GALNT13: variants seen among roughly 807,000 people sequenced by gnomAD.
GALNT13 encodes the protein UDP-GalNAc:polypeptide N-acetylgalactosaminyltransferase 13.
A neutral mutation model predicts 64.2 loss-of-function variants in GALNT13; 28 were observed. That is an observed-to-expected ratio of 0.44 (90% CI 0.32 to 0.60). The LOEUF (loss-of-function observed/expected upper bound fraction) is 0.60, where lower values mean the gene tolerates loss of function less well. GALNT13 is among the 20% of genes least tolerant of loss of function. The probability of loss-of-function intolerance (pLI) is 0.05; values close to 1 mark genes in which losing one functional copy is unlikely to be tolerated. For synonymous variants in GALNT13, 214 were observed against 224.6 expected, an observed-to-expected ratio of 0.95 and a Z score of 0.42; for missense variants, 577 against 669.8, an observed-to-expected ratio of 0.86 and a Z score of 1.53.
chr2:153,991,868 G>A (rs1464923584), intron 3 of GALNT13, among the ~76,000 whole-genome samples: 1 of 152,078 alleles, frequency 6.6e-6, no homozygotes, highest in African/African-American at 2.4e-5. Context: ...TTGGATCAGG[G>A]TGTTGAAGGT....
chr2:153,774,612 T>C, the GALNT13 span, among the ~76,000 whole-genome samples: 1 of 152,112 alleles, frequency 6.6e-6, no homozygotes, highest in African/African-American at 2.4e-5. Context: ...AGAACAAAGA[T>C]AGACTGGGCA....
chr2:154,373,629 T>C (rs545886114), intron 9 of GALNT13, among the ~76,000 whole-genome samples: 2 of 152,314 alleles, frequency 1.3e-5, no homozygotes, highest in African/African-American at 2.4e-5. Context: ...GACCTGCTTT[T>C]AAAATAAAAG....
chr2:153,532,559 C>T, the GALNT13 span, among the ~76,000 whole-genome samples: 3 of 152,320 alleles, frequency 2.0e-5, no homozygotes, highest in African/African-American at 7.2e-5. Flanking sequence ...CTGCAGCATA[C>T]TTATATTCCT....
At chr2:153,414,504 A>G in the GALNT13 span, among the ~76,000 whole-genome samples, 1 of 143,334 alleles carries the variant, frequency 7.0e-6, no homozygotes, top group Non-Finnish European at 1.5e-5. Flanking sequence ...TTGGTAATTG[A>G]TCTATACCAC....
chr2:153,554,344 A>C, the GALNT13 span, among the ~76,000 whole-genome samples: 1 of 152,048 alleles, frequency 6.6e-6, no homozygotes, highest in African/African-American at 2.4e-5. Flanking sequence ...AAAAACAAAA[A>C]AAAAAAGTTT....
At chr2:153,255,147 G>A in the GALNT13 span, among the ~76,000 whole-genome samples, 10 of 151,378 alleles carry the variant, frequency 6.6e-5, no homozygotes, top group Admixed American at 3.3e-4. Context: ...ATGAATCTGG[G>A]TGCTCCTGTA....
intron 3 of GALNT13, among the ~76,000 whole-genome samples, chr2:154,098,852 T>C (rs1037932594): frequency 1.3e-5 from 2 of 152,088 alleles, no homozygotes; most frequent in Non-Finnish European, 2.9e-5. Flanking sequence ...ATGACTTTGG[T>C]GTTGTGAGTA....
intron 3 of GALNT13, among the ~76,000 whole-genome samples, chr2:154,036,204 CT>C: frequency 6.6e-6 from 1 of 152,006 alleles, no homozygotes; most frequent in East Asian, 1.9e-4. Context: ...CCCTAGAGGA[CT>C]TCTTAAATCA....
At chr2:153,565,616 C>T in the GALNT13 span, among the ~76,000 whole-genome samples, 34 of 151,898 alleles carry the variant, frequency 2.2e-4, no homozygotes, top group Non-Finnish European at 3.1e-4. Context: ...ATTTTTTTCT[C>T]GTAAGTGTTA....
the GALNT13 span, among the ~76,000 whole-genome samples, chr2:153,591,332 A>T: frequency 6.6e-6 from 1 of 152,032 alleles, no homozygotes; most frequent in African/African-American, 2.4e-5. Context: ...AACATCCCAA[A>T]CTCATGAGTC....
chr2:153,831,468 T>G, the GALNT13 span, among the ~76,000 whole-genome samples: 2 of 152,162 alleles, frequency 1.3e-5, no homozygotes, highest in African/African-American at 2.4e-5. Flanking sequence ...CCTAGAATGC[T>G]TCTTCCCTTT....
the GALNT13 span, among the ~76,000 whole-genome samples, chr2:153,445,197 A>T: frequency 6.6e-6 from 1 of 152,172 alleles, no homozygotes; most frequent in Non-Finnish European, 1.5e-5. Context: ...TCTGTTAAAA[A>T]ATTTGTCCAT....
At chr2:153,926,249 T>C (rs1054022098) in intron 2 of GALNT13, 1 of 152,092 alleles carries the variant, frequency 6.6e-6, no homozygotes, top group African/African-American at 2.4e-5. Flanking sequence ...TTACATGAGA[T>C]GAATATACAA....
chr2:153,405,047 C>T, the GALNT13 span, among the ~76,000 whole-genome samples: 1 of 152,128 alleles, frequency 6.6e-6, no homozygotes, highest in Non-Finnish European at 1.5e-5. Context: ...TTGTGGTGTC[C>T]TTCCTTTTAA....
chr2:153,393,873 T>G, the GALNT13 span, among the ~76,000 whole-genome samples: 1 of 151,816 alleles, frequency 6.6e-6, no homozygotes, highest in African/African-American at 2.4e-5. Flanking sequence ...AGCTTGCAGA[T>G]TTTGAATTTA....
At chr2:153,633,503 T>C in the GALNT13 span, among the ~76,000 whole-genome samples, 1 of 152,198 alleles carries the variant, frequency 6.6e-6, no homozygotes, top group Non-Finnish European at 1.5e-5. Context: ...ATTCTAGATA[T>C]ATGTTATTTA....
chr2:153,357,044 T>G, the GALNT13 span, among the ~76,000 whole-genome samples: 124,970 of 151,708 alleles, frequency 0.82, 52,393 homozygotes, highest in African/African-American at 0.9. Flanking sequence ...TCCTGATCTC[T>G]CAATCCACCT....
At chr2:153,762,098 CG>C in the GALNT13 span, 1 of 152,222 alleles carries the variant, frequency 6.6e-6, no homozygotes, top group Non-Finnish European at 1.5e-5. Context: ...TCTCCATGAC[CG>C]TGGCACTCCA....
chr2:153,160,591 C>A, the GALNT13 span, among the ~76,000 whole-genome samples: 10 of 152,102 alleles, frequency 6.6e-5, no homozygotes, highest in Non-Finnish European at 5.9e-5. Context: ...AAAAAGATGA[C>A]TACACAAGTG....
Sources: allele counts gnomAD v4.1 joint callset (sites outside exome capture counted in the v4.1 genomes callset), GRCh38; gene constraint gnomAD v4.1.1; transcripts MANE v1.5; gene names NCBI Gene and HGNC (gene_info 2026-07-23, HGNC 2026-07-21).